Variants in FGF2 observed in about 807,000 individuals in gnomAD.
FGF2 encodes the protein fibroblast growth factor 2.
A neutral mutation model predicts 15.9 loss-of-function variants in FGF2; 13 were observed. That is an observed-to-expected ratio of 0.82 (90% CI 0.53 to 1.30). The LOEUF is 1.30. Among genes scored for constraint, FGF2 ranks in the 50% most tolerant of loss-of-function variants. FGF2 has a pLI of 0.00. For synonymous variants in FGF2, 90 were observed against 78.4 expected (o/e 1.15, Z -0.78); for missense variants, 163 against 196.9 (o/e 0.83, Z 1.03).
chr4:122,875,769 T>C (rs2084311175), intron 1 of FGF2, among the ~76,000 whole-genome samples: 2 of 152,228 alleles, frequency 1.3e-5, no homozygotes, highest in Admixed American at 1.3e-4. Context: ...ATTGTGCCAC[T>C]GCACTCCAGC....
At chr4:122,890,680 C>T (rs1355071025) in intron 2 of FGF2, among the ~76,000 whole-genome samples, 1 of 152,050 alleles carries the variant, frequency 6.6e-6, no homozygotes, top group African/African-American at 2.4e-5. Context: ...CCATTGTTTG[C>T]CTTATCTTAG....
At chr4:122,853,339 A>G (rs910254494) in intron 1 of FGF2, among the ~76,000 whole-genome samples, 3 of 152,208 alleles carry the variant, frequency 2.0e-5, no homozygotes, top group African/African-American at 7.2e-5. Flanking sequence ...ACTATTTTTT[A>G]CTATTGTATG....
At chr4:122,845,972 T>C (rs1726102105) in intron 1 of FGF2, among the ~76,000 whole-genome samples, 1 of 152,228 alleles carries the variant, frequency 6.6e-6, no homozygotes, top group Admixed American at 6.5e-5. Flanking sequence ...TCCACTAGGC[T>C]TAATCATTTC....
intron 2 of FGF2, among the ~76,000 whole-genome samples, chr4:122,878,123 G>A (rs1726893644): frequency 1.3e-5 from 2 of 152,142 alleles, no homozygotes; most frequent in South Asian, 4.1e-4. Context: ...ATCCAGGGGA[G>A]GCAGAAGTGT....
In FGF2 at chr4:122,893,738, C is replaced by A. The variant is rs1218121232; in HGVS notation, c.*1342C>A. ...ATAAGGTTGATTTTTCAATTAAATG[C>A]AAATTTGTGTGGCAGGATTTTTATT... On this transcript the variant is annotated 3_prime_UTR_variant, in exon 3 of 3. Coordinates refer to ENST00000644866, the MANE Select transcript of FGF2 (RefSeq NM_001361665.2). The A allele has an allele frequency of 6.6e-6, 1 of 152,236 alleles. No homozygotes were observed. The highest frequency in any genetic ancestry group is 1.5e-5 in the Non-Finnish European group (1 of 68,060). 9.4% of individuals were successfully genotyped at this position (152,236 alleles called of 1,614,324 possible). A position where few individuals can be genotyped will look rare whatever the true frequency, so the allele number is the denominator to read the frequency against.
intron 1 of FGF2, among the ~76,000 whole-genome samples, chr4:122,850,375 G>C (rs1726204926): frequency 6.6e-6 from 1 of 152,126 alleles, no homozygotes; most frequent in African/African-American, 2.4e-5. Flanking sequence ...TCCTTTCTCT[G>C]CCTGAGATAA....
chr4:122,830,977 G>A (rs1725754201), intron 1 of FGF2, among the ~76,000 whole-genome samples: 1 of 152,056 alleles, frequency 6.6e-6, no homozygotes, highest in African/African-American at 2.4e-5. Flanking sequence ...CCAGTGTGGA[G>A]CAGGGGTGGC....
intron 1 of FGF2, among the ~76,000 whole-genome samples, chr4:122,843,205 A>C (rs1726034508): frequency 1.3e-5 from 2 of 152,220 alleles, no homozygotes; most frequent in African/African-American, 4.8e-5. Flanking sequence ...AAAAGGCTTC[A>C]AACAGGAGTG....
chr4:122,844,705 T>C (rs900484164), intron 1 of FGF2, among the ~76,000 whole-genome samples: 3 of 151,666 alleles, frequency 2.0e-5, no homozygotes, highest in African/African-American at 7.3e-5. Flanking sequence ...GGTATAGTCA[T>C]GGCTCCCTGC....
intron 1 of FGF2, among the ~76,000 whole-genome samples, chr4:122,843,571 T>C (rs886990749): frequency 6.6e-6 from 1 of 152,156 alleles, no homozygotes; most frequent in African/African-American, 2.4e-5. Context: ...ATGATTTCAG[T>C]TATCCAATTG....
chr4:122,867,686 A>T (rs1411233889), intron 1 of FGF2, among the ~76,000 whole-genome samples: 2 of 152,212 alleles, frequency 1.3e-5, no homozygotes, highest in Non-Finnish European at 2.9e-5. Context: ...TGACTATATT[A>T]GGAGGATGAA....
At chr4:122,833,321 T>C (rs887501264) in intron 1 of FGF2, among the ~76,000 whole-genome samples, 3 of 152,156 alleles carry the variant, frequency 2.0e-5, no homozygotes, top group Non-Finnish European at 2.9e-5. Context: ...TTTGGAGATT[T>C]AAAAATTGAA....
intron 2 of FGF2, chr4:122,889,988 A>G (rs536817589): frequency 1.3e-5 from 2 of 152,298 alleles, no homozygotes; most frequent in East Asian, 1.9e-4. Context: ...GAATCAGTCT[A>G]TGAAGTTCCA....
intron 2 of FGF2, among the ~76,000 whole-genome samples, chr4:122,887,471 C>T (rs1727082748): frequency 6.6e-6 from 1 of 152,176 alleles, no homozygotes; most frequent in African/African-American, 2.4e-5. Context: ...ATGGCTCCCG[C>T]CATCTCCTGG....
chr4:122,890,928 T>A (rs1727161571), intron 2 of FGF2, among the ~76,000 whole-genome samples: 1 of 152,190 alleles, frequency 6.6e-6, no homozygotes, highest in Non-Finnish European at 1.5e-5. Flanking sequence ...AAAAATGATT[T>A]TTCCTTTTGA....
intron 1 of FGF2, among the ~76,000 whole-genome samples, chr4:122,862,609 T>G (rs1360266198): frequency 6.6e-6 from 1 of 152,188 alleles, no homozygotes; most frequent in Admixed American, 6.5e-5. Flanking sequence ...TTGTGTCAAT[T>G]CTCCTTTGCT....
chr4:122,889,390 T>A (rs1727122764), intron 2 of FGF2, among the ~76,000 whole-genome samples: 1 of 152,130 alleles, frequency 6.6e-6, no homozygotes, highest in Non-Finnish European at 1.5e-5. Context: ...GAGCAAACAC[T>A]GATAATAGGA....
chr4:122,891,126 C>T (rs956676747), intron 2 of FGF2, among the ~76,000 whole-genome samples: 5 of 150,300 alleles, frequency 3.3e-5, no homozygotes, highest in Non-Finnish European at 4.4e-5. Context: ...CTGCAAGCTC[C>T]GCCTCCCAGG....
Position 122,897,754 on chromosome 4 carries a change from C to A in FGF2, c.*5358C>A. On this transcript the variant is annotated 3_prime_UTR_variant, in exon 3 of 3. Coordinates refer to ENST00000644866, the MANE Select transcript of FGF2 (RefSeq NM_001361665.2). ...ACATATGTAGATTTCACAAAATCCA[C>A]CTATAATTGGTCAAAGTGGTTGAGA... 1 of 1,016,802 alleles carries A rather than the reference C, an allele frequency of 9.8e-7. No homozygotes were observed. Among genetic ancestry groups the A allele is most frequent in the Admixed American group, 1.8e-5 (1 of 55,148 alleles). 63.0% of individuals were successfully genotyped at this position (1,016,802 alleles called of 1,614,324 possible). A position where few individuals can be genotyped will look rare whatever the true frequency, so the allele number is the denominator to read the frequency against.
Sources: allele counts gnomAD v4.1 joint callset (sites outside exome capture counted in the v4.1 genomes callset), GRCh38; gene constraint gnomAD v4.1.1; transcripts MANE v1.5; gene names NCBI Gene and HGNC (gene_info 2026-07-23, HGNC 2026-07-21).